Variants in FOXK2 observed in about 807,000 individuals in gnomAD.
The protein encoded by FOXK2 is forkhead box K2.
FOXK2 carries 24 observed loss-of-function variants against 53.3 expected under a neutral mutation model. The observed-to-expected ratio is 0.45, with a 90% CI of 0.33 to 0.63. The LOEUF (loss-of-function observed/expected upper bound fraction) is 0.63, where lower values mean the gene tolerates loss of function less well. FOXK2 is among the 30% of genes least tolerant of loss of function. The pLI is 0.03. For missense variants in FOXK2, 952 were observed against 910.5 expected, an observed-to-expected ratio of 1.05 and a Z score of -0.59; for synonymous variants, 505 against 407.1, an observed-to-expected ratio of 1.24 and a Z score of -2.89.
chr17:82,589,950 G>T (rs2045236571), intron 8 of FOXK2, among the ~76,000 whole-genome samples: 1 of 152,078 alleles, frequency 6.6e-6, no homozygotes, highest in Non-Finnish European at 1.5e-5. Flanking sequence ...GGACGCTGAG[G>T]CAGGAGAATC....
intron 1 of FOXK2, among the ~76,000 whole-genome samples, chr17:82,555,660 G>A (rs923485959): frequency 3.3e-5 from 5 of 151,100 alleles, no homozygotes; most frequent in South Asian, 2.1e-4. Flanking sequence ...TGAGGCGGGC[G>A]GATCACAAGG....
intron 1 of FOXK2, among the ~76,000 whole-genome samples, chr17:82,551,649 C>G (rs537233238): frequency 6.6e-6 from 1 of 152,304 alleles, no homozygotes; most frequent in East Asian, 1.9e-4. Context: ...CCACTGCATT[C>G]CAGCCTGGGC....
At chr17:82,536,516 C>T (rs1429624295) in intron 1 of FOXK2, among the ~76,000 whole-genome samples, 1 of 152,216 alleles carries the variant, frequency 6.6e-6, no homozygotes, top group Non-Finnish European at 1.5e-5. Context: ...TATGTAGTCA[C>T]TGAAGTCCTT....
chr17:82,538,734 A>G (rs1251336494), intron 1 of FOXK2, among the ~76,000 whole-genome samples: 1 of 152,078 alleles, frequency 6.6e-6, no homozygotes, highest in Non-Finnish European at 1.5e-5. Flanking sequence ...GCCCTTCCTC[A>G]AGCCCCTCAC....
intron 4 of FOXK2, among the ~76,000 whole-genome samples, chr17:82,573,115 C>A (rs534043119): frequency 2.8e-4 from 42 of 152,128 alleles, no homozygotes; most frequent in Admixed American, 2.6e-3. Flanking sequence ...ATCACCTGAG[C>A]CCAGGAAGCA....
In FOXK2 at chr17:82,603,315, C is replaced by T. The variant is rs1173373006; in HGVS notation, c.*1816C>T. Reference sequence around the variant, plus strand: ...GAATGTATATTTTTGTCTTCTTACTCAGAAGGTTTGCAGTTTGTAAAATAA... The same window carrying T: ...GAATGTATATTTTTGTCTTCTTACTTAGAAGGTTTGCAGTTTGTAAAATAA... On this transcript the variant is annotated 3_prime_UTR_variant, in exon 9 of 9. Coordinates refer to ENST00000335255, the MANE Select transcript of FOXK2 (RefSeq NM_004514.4). 1 of 152,252 alleles carries T rather than the reference C, an allele frequency of 6.6e-6. No individual in the cohort carries two copies. Among genetic ancestry groups the T allele is most frequent in the Non-Finnish European group, 1.5e-5 (1 of 68,058 alleles). 9.4% of individuals were successfully genotyped at this position (152,252 alleles called of 1,614,324 possible).
chr17:82,525,278 GCAATTCT>G (rs1323891747), intron 1 of FOXK2, among the ~76,000 whole-genome samples: 1 of 152,146 alleles, frequency 6.6e-6, no homozygotes, highest in Non-Finnish European at 1.5e-5. Context: ...CTGGGTTCAA[GCAATTCT>G]TCTGTCTCAG....
chr17:82,572,736 T>C (rs1226031155), intron 4 of FOXK2, among the ~76,000 whole-genome samples: 6 of 152,220 alleles, frequency 3.9e-5, no homozygotes, highest in Non-Finnish European at 8.8e-5. Flanking sequence ...GGAACATCTA[T>C]AGAATTTCTT....
chr17:82,557,775 G>A (rs966662271), intron 1 of FOXK2, among the ~76,000 whole-genome samples: 1 of 152,130 alleles, frequency 6.6e-6, no homozygotes, highest in Non-Finnish European at 1.5e-5. Context: ...CAGCCTCTGA[G>A]TCACTGGAAC....
intron 6 of FOXK2, among the ~76,000 whole-genome samples, chr17:82,584,620 G>A (rs1218936401): frequency 3.1e-5 from 4 of 127,324 alleles, no homozygotes; most frequent in Admixed American, 2.9e-4. Flanking sequence ...TTGGCTCGTT[G>A]CAACCTCTGC....
chr17:82,547,424 A>G (rs980293708), intron 1 of FOXK2, among the ~76,000 whole-genome samples: 3 of 152,266 alleles, frequency 2.0e-5, no homozygotes, highest in Admixed American at 1.3e-4. Context: ...ATTGGGCCAC[A>G]TTCAAAGCCA....
chr17:82,550,499 G>A (rs1005034838), intron 1 of FOXK2, among the ~76,000 whole-genome samples: 1 of 149,590 alleles, frequency 6.7e-6, no homozygotes, highest in East Asian at 2.0e-4. Flanking sequence ...CTTCTGAGGC[G>A]GGCTTTTTTT....
rs1316834739 is a variant in FOXK2, at chr17:82,571,804, G to C, written c.843G>C (p.Leu281=). ...ITMAPDKQLT[L]NGIYTHITKN... is the part of the protein sequence containing the mutation. ...TGGCTCCCGACAAACAGCTCACCCT[G>C]AACGGGATTTATACACACATCACTA... Residue 281 remains leucine (L), a synonymous_variant, in exon 4 of 9, where the codon CTG becomes CTC. Transcript: ENST00000335255. 1 of 1,604,812 alleles carries C rather than the reference G, an allele frequency of 6.2e-7. No individual in the cohort carries two copies.
At chr17:82,532,953 A>G (rs1308247362) in intron 1 of FOXK2, among the ~76,000 whole-genome samples, 1 of 152,014 alleles carries the variant, frequency 6.6e-6, no homozygotes, top group Admixed American at 6.6e-5. Flanking sequence ...TTTTTTGTTT[A>G]AAAACTAAGA....
rs113741279 is a variant in FOXK2 at position 82,564,827 on chromosome 17, T to G, written c.614+1279T>G. Among the ~76,000 whole-genome samples, 1,237 of 150,736 alleles carry G rather than the reference T, an allele frequency of 8.2e-3. 23 individuals carry two copies. The highest frequency in any genetic ancestry group is 0.029 in the African/African-American group (1,187 of 40,916). ...CTCACTGCATCCTCTGTCTCCCAGGTTCAAGCGATTCTCAAGCCTCAGTCT... is the reference window on the plus strand; with the variant it reads ...CTCACTGCATCCTCTGTCTCCCAGGGTCAAGCGATTCTCAAGCCTCAGTCT... On this transcript the variant is annotated intron_variant, in intron 2 of 8. Transcript: ENST00000335255.
Position 82,594,928 on chromosome 17 carries a change from C to T in FOXK2, c.1787-6375C>T, listed in dbSNP as rs2045294488. Among the ~76,000 whole-genome samples the T allele has an allele frequency of 2.0e-5, 3 of 152,170 alleles. No homozygotes were observed. In the South Asian group the frequency reaches 6.2e-4, roughly 32 times the overall value. On this transcript the variant is annotated intron_variant, in intron 8 of 8. Transcript: ENST00000335255. ...GTGGCGGCAGCACCTGTAGTCCCAG[C>T]CACCAAGAGGCTAAGGCAGGGAGAT... is the stretch of plus-strand genomic sequence containing the variant.
At chr17:82,523,466 A>T (rs2044386939) in intron 1 of FOXK2, among the ~76,000 whole-genome samples, 2 of 149,290 alleles carry the variant, frequency 1.3e-5, no homozygotes, top group Admixed American at 1.3e-4. Flanking sequence ...TAAATTGTTT[A>T]AAATCTTTTT....
chr17:82,524,237 T>C (rs1357871288), intron 1 of FOXK2, among the ~76,000 whole-genome samples: 1 of 152,250 alleles, frequency 6.6e-6, no homozygotes, highest in African/African-American at 2.4e-5. Context: ...TCTACTAAAT[T>C]TAACATCACT....
chr17:82,520,057 G>A lies in FOXK2; in HGVS notation c.169G>A (p.Gly57Ser). The A allele has an allele frequency of 6.5e-7, 1 of 1,538,916 alleles. No individual in the cohort carries two copies. Among genetic ancestry groups the A allele is most frequent in the East Asian group, 2.7e-5 (1 of 37,650 alleles). The change falls in exon 1 of 9, where the codon GGC (glycine) becomes AGC (serine). Residue 57 changes from glycine to serine, a missense_variant. Physicochemically the swap from Gly to Ser is moderately conservative, Grantham distance 56 (BLOSUM62 0). Coordinates refer to ENST00000335255, the MANE Select transcript of FOXK2 (RefSeq NM_004514.4). Reference protein sequence around the residue: ...YLMKKRSVTIGRNSSQGSVDV... With the variant: ...YLMKKRSVTISRNSSQGSVDV... ...GATGAAGAAGCGCTCGGTGACCATC[G>A]GCCGCAACTCGTCGCAGGGCTCGGT...
Sources: gnomAD v4.1 joint callset for allele counts (sites outside exome capture counted in the v4.1 genomes callset) on GRCh38, gnomAD v4.1.1 for gene constraint, MANE v1.5 for transcripts, NCBI Gene and HGNC (gene_info 2026-07-23, HGNC 2026-07-21) for gene names.